The following DLG2 variants were observed in gnomAD, a reference collection of about 807,000 sequenced individuals.
DLG2 encodes the protein disks large homolog 2.
In DLG2, 45 loss-of-function variants were observed where a neutral mutation model predicts 132.5. The ratio of observed to expected loss-of-function variants is 0.34; its 90% CI spans 0.27 to 0.44. The LOEUF is 0.44. DLG2 is among the 20% of genes least tolerant of loss of function. The pLI, the probability that DLG2 is intolerant of heterozygous loss-of-function variation, is 1.00. For missense variants in DLG2, 1,045 were observed against 1,196.9 expected (o/e 0.87, Z 1.87); for synonymous variants, 424 against 419.6 (o/e 1.01, Z -0.13).
At chr11:84,830,405 G>GTT (rs2078885696) in intron 6 of DLG2, among the ~76,000 whole-genome samples, 1 of 151,046 alleles carries the variant, frequency 6.6e-6, no homozygotes, top group Non-Finnish European at 1.5e-5. Context: ...GAACTTAAAG[G>GTT]AACAGGCAGA....
At chr11:84,385,320 T>C (rs932470458) in intron 7 of DLG2, among the ~76,000 whole-genome samples, 2 of 152,140 alleles carry the variant, frequency 1.3e-5, no homozygotes, top group African/African-American at 2.4e-5. Flanking sequence ...ATGAATATTA[T>C]TTCAGTTCTA....
intron 15 of DLG2, among the ~76,000 whole-genome samples, chr11:83,906,819 C>T (rs2075080584): frequency 1.3e-5 from 2 of 152,152 alleles, no homozygotes; most frequent in Admixed American, 6.6e-5. Flanking sequence ...TATCCCCTGT[C>T]AGTATGGCTC....
At chr11:84,527,484 G>T (rs1377169980) in intron 7 of DLG2, among the ~76,000 whole-genome samples, 1 of 152,032 alleles carries the variant, frequency 6.6e-6, no homozygotes, top group Non-Finnish European at 1.5e-5. Flanking sequence ...CTCAACAAGT[G>T]CCCAGTTGTC....
chr11:84,926,990 G>A (rs1282481871), intron 6 of DLG2, among the ~76,000 whole-genome samples: 1 of 151,928 alleles, frequency 6.6e-6, no homozygotes, highest in Non-Finnish European at 1.5e-5. Context: ...CAACTACCTT[G>A]ATTCCCAAAA....
At position 84,056,661 on chromosome 11, in the gene DLG2, G is replaced by A. The variant is rs531418196; in HGVS notation, c.919+2654C>T. Among the ~76,000 whole-genome samples, 10 of 152,272 alleles carry A rather than the reference G, an allele frequency of 6.6e-5. No homozygotes were observed. The South Asian group carries it at 8.3e-4, about 13-fold the overall frequency. On this transcript the variant is annotated intron_variant, in intron 11 of 27. Transcript: ENST00000376104. ...ATTATAAGGTGCCAAGTGAAGTTAA[G>A]ACCACGAGGTATCATCAGAGTTAGT...
chr11:84,333,867 T>C (rs2098471974), intron 7 of DLG2, among the ~76,000 whole-genome samples: 1 of 152,188 alleles, frequency 6.6e-6, no homozygotes, highest in South Asian at 2.1e-4. Flanking sequence ...CTGAGAATAT[T>C]ATTGTCACAA....
chr11:83,829,194 T>A (rs2053763470), intron 17 of DLG2, among the ~76,000 whole-genome samples: 1 of 133,058 alleles, frequency 7.5e-6, no homozygotes, highest in East Asian at 2.1e-4. Flanking sequence ...GAATTTTATT[T>A]AGCTTTTTTT....
intron 2 of DLG2, among the ~76,000 whole-genome samples, chr11:85,616,211 A>C (rs1477664553): frequency 6.6e-6 from 1 of 152,222 alleles, no homozygotes; most frequent in Admixed American, 6.5e-5. Flanking sequence ...GCATCAGACA[A>C]GCTTCTGGTC....
At chr11:84,659,762 G>T (rs757829836) in intron 6 of DLG2, among the ~76,000 whole-genome samples, 2 of 152,106 alleles carry the variant, frequency 1.3e-5, no homozygotes, top group Admixed American at 6.6e-5. Context: ...GATATCAATT[G>T]CAAGTTTGGG....
chr11:84,808,531 T>C (rs1178342697), intron 6 of DLG2, among the ~76,000 whole-genome samples: 1 of 152,036 alleles, frequency 6.6e-6, no homozygotes. Flanking sequence ...AAAGAATTTG[T>C]TGTTTAATAA....
chr11:83,713,183 G>T (rs1265307807), intron 18 of DLG2, among the ~76,000 whole-genome samples: 1 of 152,038 alleles, frequency 6.6e-6, no homozygotes, highest in Admixed American at 6.6e-5. Flanking sequence ...TAAATAAATT[G>T]TCTGAAGAAG....
chr11:84,355,438 TC>T (rs1321668298), intron 7 of DLG2, among the ~76,000 whole-genome samples: 1 of 151,184 alleles, frequency 6.6e-6, no homozygotes, highest in Non-Finnish European at 1.5e-5. Context: ...TATAAAAGAG[TC>T]CCCAGAGAAG....
chr11:84,072,639 C>A (rs570604005), intron 10 of DLG2, among the ~76,000 whole-genome samples: 8 of 152,196 alleles, frequency 5.3e-5, no homozygotes, highest in African/African-American at 1.9e-4. Flanking sequence ...GTAAGGAGCA[C>A]AGATCAAGTC....
At chr11:85,425,098 AT>A (rs1344845968) in intron 3 of DLG2, among the ~76,000 whole-genome samples, 3 of 152,238 alleles carry the variant, frequency 2.0e-5, no homozygotes, top group African/African-American at 7.2e-5. Context: ...GAAATACTAT[AT>A]GTGAATAACA....
chr11:84,248,675 C>A (rs1408784902), intron 8 of DLG2, among the ~76,000 whole-genome samples: 1 of 151,884 alleles, frequency 6.6e-6, no homozygotes, highest in African/African-American at 2.4e-5. Flanking sequence ...GCCAACATGG[C>A]AAAAACTCGT....
intron 7 of DLG2, among the ~76,000 whole-genome samples, chr11:84,532,925 G>T (rs938499786): frequency 6.6e-6 from 1 of 152,140 alleles, no homozygotes; most frequent in Non-Finnish European, 1.5e-5. Flanking sequence ...AACAGAGTAA[G>T]GATCAGCAAT....
chr11:83,820,619 T>G (rs1344192243), intron 17 of DLG2, among the ~76,000 whole-genome samples: 1 of 152,156 alleles, frequency 6.6e-6, no homozygotes, highest in African/African-American at 2.4e-5. Context: ...ATGTTTCAAA[T>G]GAAAATATTC....
chr11:83,934,812 T>A (rs2081102741), intron 14 of DLG2, among the ~76,000 whole-genome samples: 1 of 152,182 alleles, frequency 6.6e-6, no homozygotes, highest in Non-Finnish European at 1.5e-5. Flanking sequence ...TGTCTTTGTT[T>A]CCCCATTACT....
intron 6 of DLG2, among the ~76,000 whole-genome samples, chr11:85,004,155 A>G (rs1416108462): frequency 6.6e-6 from 1 of 152,058 alleles, no homozygotes; most frequent in Non-Finnish European, 1.5e-5. Flanking sequence ...AGTCTTTGCT[A>G]TTACGAACAC....
Sources: allele counts gnomAD v4.1 joint callset (sites outside exome capture counted in the v4.1 genomes callset), GRCh38; gene constraint gnomAD v4.1.1; transcripts MANE v1.5; gene names NCBI Gene and HGNC (gene_info 2026-07-23, HGNC 2026-07-21).